PDK1: variants seen among roughly 807,000 people sequenced by gnomAD.
PDK1 encodes [Pyruvate dehydrogenase (acetyl-transferring)] kinase isozyme 1, mitochondrial.
PDK1 carries 39 observed loss-of-function variants against 54.2 expected under a neutral mutation model. That is an observed-to-expected ratio of 0.72 (90% confidence interval 0.56 to 0.94). The LOEUF is 0.94. Ranked by LOEUF, PDK1 falls within the 40% of genes least tolerant of loss-of-function variation. PDK1 has a pLI of 0.00. For missense variants in PDK1, 552 were observed against 566.0 expected (o/e 0.98, Z 0.25); for synonymous variants, 221 against 207.1 (o/e 1.07, Z -0.58).
At chr2:172,611,705 A>T (rs1691467065), downstream of PDK1, among the ~76,000 whole-genome samples, 1 of 152,248 alleles carries the variant, frequency 6.6e-6, no homozygotes, top group Non-Finnish European at 1.5e-5. Flanking sequence ...TCATGACCAA[A>T]TGTGATTTAT....
the PDK1 span, among the ~76,000 whole-genome samples, chr2:172,689,111 G>C: frequency 1.2e-4 from 19 of 152,296 alleles, no homozygotes; most frequent in Admixed American, 5.2e-4. Context: ...CCCCACCCAT[G>C]TCCTGCTGAT....
chr2:172,615,623 CA>C, the PDK1 span, among the ~76,000 whole-genome samples: 27 of 138,724 alleles, frequency 1.9e-4, no homozygotes, highest in Non-Finnish European at 3.0e-4. Context: ...AACTCTGTCT[CA>C]AAAAAAAAAA....
chr2:172,556,035 C>A (rs548646946), upstream of PDK1: 186 of 742,026 alleles, frequency 2.5e-4, 1 homozygote, highest in African/African-American at 3.1e-3. Context: ...GGGTGGGGGC[C>A]GCGCCGGTGA....
chr2:172,558,860 C>T lies in PDK1; in HGVS notation c.338+11C>T. On this transcript the variant is annotated intron_variant, in intron 2 of 10. Transcript: ENST00000282077. ...ATTGGTACAAAGCTGGTAAGATTCTCATCTTGTGTTTGCAATTTGATGGAG... is the reference window on the plus strand; with the variant it reads ...ATTGGTACAAAGCTGGTAAGATTCTTATCTTGTGTTTGCAATTTGATGGAG... The T allele has an allele frequency of 6.2e-7, 1 of 1,604,592 alleles. No individual in the cohort carries two copies. Among genetic ancestry groups the T allele is most frequent in the East Asian group, 2.2e-5 (1 of 44,594 alleles).
chr2:172,560,582 A>C (rs1688604869), intron 2 of PDK1, among the ~76,000 whole-genome samples: 1 of 152,248 alleles, frequency 6.6e-6, no homozygotes, highest in South Asian at 2.1e-4. Flanking sequence ...CATCTCTGCT[A>C]TACCGTGCTA....
the PDK1 span, among the ~76,000 whole-genome samples, chr2:172,698,016 G>A: frequency 6.6e-6 from 1 of 152,144 alleles, no homozygotes; most frequent in Non-Finnish European, 1.5e-5. Flanking sequence ...TTATTCTGAA[G>A]TACAATCCCA....
chr2:172,686,626 T>C, the PDK1 span, among the ~76,000 whole-genome samples: 1 of 152,236 alleles, frequency 6.6e-6, no homozygotes, highest in African/African-American at 2.4e-5. Flanking sequence ...CTTTTTACGC[T>C]GTGGAAGCTT....
intron 3 of PDK1, among the ~76,000 whole-genome samples, chr2:172,563,587 A>T (rs867993762): frequency 6.6e-6 from 1 of 152,198 alleles, no homozygotes; most frequent in East Asian, 1.9e-4. Context: ...TAATCCCAGC[A>T]CTTTGGGAGG....
chr2:172,592,716 A>G (rs1417335288), intron 9 of PDK1, among the ~76,000 whole-genome samples: 1 of 152,200 alleles, frequency 6.6e-6, no homozygotes, highest in Non-Finnish European at 1.5e-5. Flanking sequence ...AGAAAGAATA[A>G]AGAGTTTTAA....
At chr2:172,683,514 A>G in the PDK1 span, among the ~76,000 whole-genome samples, 2 of 152,158 alleles carry the variant, frequency 1.3e-5, no homozygotes, top group Non-Finnish European at 2.9e-5. Context: ...ACTTGAGCAG[A>G]ACAGGTGCAA....
intron 6 of PDK1, 43 bp downstream of exon 6, chr2:172,566,976 T>A (rs780892749): frequency 1.6e-6 from 2 of 1,285,226 alleles, no homozygotes; most frequent in South Asian, 2.5e-5. Flanking sequence ...AGTGCTTTGA[T>A]TACTTGATAA....
At chr2:172,642,786 C>T in the PDK1 span, among the ~76,000 whole-genome samples, 1 of 64,462 alleles carries the variant, frequency 1.6e-5, no homozygotes, top group Admixed American at 1.6e-4. Context: ...CTCCTCCTCC[C>T]ACTCCTCCTC....
intron 2 of PDK1, 76 bp downstream of exon 2, chr2:172,558,925 T>C: frequency 7.5e-7 from 1 of 1,327,824 alleles, no homozygotes; most frequent in Non-Finnish European, 1.1e-6. Context: ...TGCTTTTTTT[T>C]ACTCTTTGGT....
intron 8 of PDK1, among the ~76,000 whole-genome samples, chr2:172,575,836 TTAAATAAA>T (rs1418489259): frequency 6.6e-6 from 1 of 152,098 alleles, no homozygotes; most frequent in Non-Finnish European, 1.5e-5. Context: ...ATAATAATAA[TTAAATAAA>T]TAAATATAAA....
chr2:172,690,482 C>T, the PDK1 span, among the ~76,000 whole-genome samples: 1 of 150,134 alleles, frequency 6.7e-6, no homozygotes, highest in Non-Finnish European at 1.5e-5. Flanking sequence ...ACCACTTGAC[C>T]CAGCAATCCC....
chr2:172,594,332 A>G lies in PDK1; in HGVS notation c.1170+1284A>G, dbSNP rs145190207. Among the ~76,000 whole-genome samples, 5 of 152,236 alleles carry G rather than the reference A, an allele frequency of 3.3e-5. No homozygotes were observed. The East Asian group carries it at 7.7e-4, about 24-fold the overall frequency. On this transcript the variant is annotated intron_variant, in intron 10 of 10. Transcript: ENST00000282077. ...GAGCCACCACACCTGGCCTAGTGCA[A>G]TGTTTTTATGACAAAATGTAACATT... is the stretch of plus-strand genomic sequence containing the variant.
At chr2:172,591,076 T>TCC (rs1176658238) in intron 9 of PDK1, among the ~76,000 whole-genome samples, 1 of 152,182 alleles carries the variant, frequency 6.6e-6, no homozygotes, top group Non-Finnish European at 1.5e-5. Context: ...AGCGGGTCAG[T>TCC]CCAGGGGTCC....
At position 172,603,093 on chromosome 2, in the gene PDK1, C is replaced by G. The variant is rs1691168568; in HGVS notation, c.*7124C>G. On this transcript the variant is annotated 3_prime_UTR_variant, in exon 11 of 11. Transcript: ENST00000282077. ...CAGATCTGGAGTGGGGCCTGAGATTCTGCATTTCTAACAAGTTTCCTGGTG... is the reference window on the plus strand; with the variant it reads ...CAGATCTGGAGTGGGGCCTGAGATTGTGCATTTCTAACAAGTTTCCTGGTG... 1 of 152,178 alleles carries G rather than the reference C, an allele frequency of 6.6e-6. No homozygotes were observed. Among genetic ancestry groups the G allele is most frequent in the Non-Finnish European group, 1.5e-5 (1 of 68,040 alleles). The allele number at this position is 152,178 out of a possible 1,614,324, so 9.4% of individuals were successfully genotyped here.
At chr2:172,570,572 TA>T (rs918074318) in intron 7 of PDK1, 153 bp from the exon 8 acceptor site, 597 of 428,814 alleles carry the variant, frequency 1.4e-3, no homozygotes, top group South Asian at 3.1e-3. Flanking sequence ...TTGACTCCAT[TA>T]AAAAAAAAAC....
Sources: gnomAD v4.1 joint callset for allele counts (sites outside exome capture counted in the v4.1 genomes callset) on GRCh38, gnomAD v4.1.1 for gene constraint, MANE v1.5 for transcripts, NCBI Gene and HGNC (gene_info 2026-07-23, HGNC 2026-07-21) for gene names.